Variants in SH2D4B observed in about 807,000 individuals in gnomAD.
SH2D4B encodes SH2 domain containing 4B.
A neutral mutation model predicts 61.5 loss-of-function variants in SH2D4B; 45 were observed. The ratio of observed to expected loss-of-function variants is 0.73; its 90% CI spans 0.58 to 0.94. The LOEUF (loss-of-function observed/expected upper bound fraction) is 0.94. Among genes scored for constraint, SH2D4B ranks in the 40% least tolerant of loss-of-function variants. The probability of loss-of-function intolerance (pLI) is 0.00; values close to 1 mark genes in which losing one functional copy is unlikely to be tolerated. For synonymous variants in SH2D4B, 224 were observed against 220.4 expected, an observed-to-expected ratio of 1.02 and a Z score of -0.14; for missense variants, 572 against 574.2, an observed-to-expected ratio of 1.00 and a Z score of 0.04.
chr10:80,552,513 C>T (rs966839537), intron 1 of SH2D4B, among the ~76,000 whole-genome samples: 1 of 152,198 alleles, frequency 6.6e-6, no homozygotes, highest in Non-Finnish European at 1.5e-5. Context: ...TCTGCACCTC[C>T]CTGCTTCCAC....
chr10:80,591,813 A>C (rs1842331205), intron 4 of SH2D4B, among the ~76,000 whole-genome samples: 1 of 152,102 alleles, frequency 6.6e-6, no homozygotes, highest in African/African-American at 2.4e-5. Flanking sequence ...ACTGGCTTTT[A>C]TACAGGCCTG....
chr10:80,620,942 C>T (rs1842712383), intron 6 of SH2D4B, among the ~76,000 whole-genome samples: 1 of 152,164 alleles, frequency 6.6e-6, no homozygotes, highest in Non-Finnish European at 1.5e-5. Context: ...GGGGAAAAAC[C>T]CACAGAATTC....
intron 7 of SH2D4B, among the ~76,000 whole-genome samples, chr10:80,637,267 G>T (rs1214061881): frequency 2.0e-5 from 3 of 152,304 alleles, no homozygotes; most frequent in Middle Eastern, 3.4e-3. Context: ...TCTTGGCAAT[G>T]CAGGCTCTTT....
chr10:80,540,766 G>A, intron 1 of SH2D4B: 1 of 1,502,598 alleles, frequency 6.7e-7, no homozygotes, highest in Non-Finnish European at 9.0e-7. Context: ...ACGGTGGGTA[G>A]ATGGATCATA....
rs977749080 is a variant in SH2D4B at position 80,571,570 on chromosome 10, G to A, written c.487G>A (p.Glu163Lys). Residue 163 changes from glutamate (E) to lysine (K), a missense_variant, in exon 3 of 8, where the codon GAA becomes AAA. By Grantham distance (56) the Glu-to-Lys change is moderately conservative. Transcript: ENST00000646907. ...AKVLEERIHEEFKRKEEEERK... is the reference protein window; with the variant it reads ...AKVLEERIHEKFKRKEEEERK... ...AGTCCTGGAGGAACGCATCCACGAGGAATTCAAGGTGGGCCAGCGCATGGG... is the reference window on the plus strand; with the variant it reads ...AGTCCTGGAGGAACGCATCCACGAGAAATTCAAGGTGGGCCAGCGCATGGG... The A allele has an allele frequency of 7.4e-6, 12 of 1,613,792 alleles. No homozygotes were observed. Among genetic ancestry groups the A allele is most frequent in the Non-Finnish European group, 9.3e-6 (11 of 1,179,966 alleles).
At chr10:80,560,985 C>T (rs1304525872) in intron 1 of SH2D4B, among the ~76,000 whole-genome samples, 1 of 152,058 alleles carries the variant, frequency 6.6e-6, no homozygotes, top group Non-Finnish European at 1.5e-5. Flanking sequence ...GGTTTCATTC[C>T]TTGGTGAAAC....
chr10:80,602,822 A>G (rs966218680), intron 4 of SH2D4B, among the ~76,000 whole-genome samples: 2 of 152,188 alleles, frequency 1.3e-5, no homozygotes, highest in Non-Finnish European at 1.5e-5. Flanking sequence ...TTTAGTAGGA[A>G]AGAGCTCTGG....
intron 7 of SH2D4B, among the ~76,000 whole-genome samples, chr10:80,637,055 C>G (rs1460829977): frequency 1.3e-5 from 2 of 152,140 alleles, no homozygotes; most frequent in Non-Finnish European, 2.9e-5. Context: ...AATCTTTTCC[C>G]CATTTCTTGT....
At chr10:80,636,069 A>G (rs558242114) in intron 7 of SH2D4B, among the ~76,000 whole-genome samples, 4 of 152,026 alleles carry the variant, frequency 2.6e-5, no homozygotes, top group East Asian at 1.9e-4. Flanking sequence ...TGTCCTTGTG[A>G]TAGTTTGCGA....
rs1289235114 is a variant in SH2D4B at position 80,543,929 on chromosome 10, G to A, written c.184+5414G>A. Among the ~76,000 whole-genome samples, 3 of 151,946 alleles carry A rather than the reference G, an allele frequency of 2.0e-5. No individual in the cohort carries two copies. The East Asian group carries it at 5.8e-4, about 29-fold the overall frequency. ...TGGAGAACCTTTTTGTCTAGCTCAG[G>A]GATTGTAAACACACCAATCAGCGCC... On this transcript the variant is annotated intron_variant, in intron 1 of 7. Coordinates refer to ENST00000646907, the MANE Select transcript of SH2D4B (RefSeq NM_001388272.1).
intron 3 of SH2D4B, among the ~76,000 whole-genome samples, chr10:80,573,243 C>T (rs1027590132): frequency 1.3e-5 from 2 of 151,142 alleles, no homozygotes; most frequent in East Asian, 3.9e-4. Context: ...ACCTCGGCCT[C>T]CCAAAGTGCT....
intron 3 of SH2D4B, among the ~76,000 whole-genome samples, chr10:80,572,489 G>C (rs1303540615): frequency 2.6e-5 from 4 of 152,112 alleles, no homozygotes; most frequent in Non-Finnish European, 5.9e-5. Context: ...TGTGTGCAGA[G>C]AGTCTTGCAG....
rs1250041035 is a variant in SH2D4B, at chr10:80,593,990, A to ATT, written c.643+5217_643+5218dup. ...ACATCTGGCTAATTTATATATATAT[A>ATT]TTTTTAGCGACGGGGTTTTGCCATG... On this transcript the variant is annotated intron_variant, in intron 4 of 7. Coordinates refer to ENST00000646907, the MANE Select transcript of SH2D4B (RefSeq NM_001388272.1). 5.9e-5 allele frequency among the ~76,000 whole-genome samples: 9 copies of ATT among 151,812 alleles called. 3 individuals are homozygous for ATT. The highest frequency in any genetic ancestry group is 5.9e-4 in the Admixed American group (9 of 15,240).
chr10:80,621,331 C>T (rs534029254), intron 6 of SH2D4B, among the ~76,000 whole-genome samples: 1 of 152,364 alleles, frequency 6.6e-6, no homozygotes, highest in Non-Finnish European at 1.5e-5. Context: ...TTTTTATCTA[C>T]ATCTCCTTCA....
chr10:80,643,919 C>A lies in SH2D4B; in HGVS notation c.1210-74C>A, dbSNP rs79866893. The stretch of plus-strand genomic sequence containing the variant: ...TATTCTTAGTTTCTCTGTCTTGAAC[C>A]ACTCTCTCTCTCTCATAGATGTGTA... On this transcript the variant is annotated intron_variant, in intron 7 of 7. Coordinates refer to ENST00000646907, the MANE Select transcript of SH2D4B (RefSeq NM_001388272.1). 10 of 1,163,872 alleles carry A rather than the reference C, an allele frequency of 8.6e-6. No individual in the cohort carries two copies. In the South Asian group the frequency reaches 1.4e-4, roughly 16 times the overall value. 72.1% of individuals were successfully genotyped at this position (1,163,872 alleles called of 1,614,324 possible). A position where few individuals can be genotyped will look rare whatever the true frequency, so the allele number is the denominator to read the frequency against.
At chr10:80,587,599 T>C (rs1414032937) in intron 3 of SH2D4B, among the ~76,000 whole-genome samples, 1 of 152,164 alleles carries the variant, frequency 6.6e-6, no homozygotes, top group Non-Finnish European at 1.5e-5. Flanking sequence ...TTTCTAAACT[T>C]TTATTTTAGA....
intron 3 of SH2D4B, among the ~76,000 whole-genome samples, chr10:80,579,529 T>C (rs1913761): frequency 0.17 from 26,318 of 151,994 alleles, 2,410 homozygotes; most frequent in East Asian, 0.29. Context: ...ATAAACATCC[T>C]GTGCTCTTCT....
intron 6 of SH2D4B, among the ~76,000 whole-genome samples, chr10:80,624,375 T>C (rs1842749436): frequency 6.6e-6 from 1 of 152,208 alleles, no homozygotes; most frequent in South Asian, 2.1e-4. Context: ...AGCTCTAGCC[T>C]AGAAAACGCT....
rs1840381167 is a variant in SH2D4B at position 80,645,353 on chromosome 10, C to T, written c.*1268C>T. 1 of 152,220 alleles carries T rather than the reference C, an allele frequency of 6.6e-6. No homozygotes were observed. The highest frequency in any genetic ancestry group is 2.1e-4 in the South Asian group (1 of 4,830). 9.4% of individuals were successfully genotyped at this position (152,220 alleles called of 1,614,324 possible). A position where few individuals can be genotyped will look rare whatever the true frequency, so the allele number is the denominator to read the frequency against. On this transcript the variant is annotated 3_prime_UTR_variant, in exon 8 of 8. Transcript: ENST00000646907. ...CAGTTTTGCGTGGGTTCTGCTCTTC[C>T]TCCCTATGTTGATCAGTGTCATGTG...
Sources: allele counts gnomAD v4.1 joint callset (sites outside exome capture counted in the v4.1 genomes callset), GRCh38; gene constraint gnomAD v4.1.1; transcripts MANE v1.5; gene names NCBI Gene and HGNC (gene_info 2026-07-23, HGNC 2026-07-21).